SGCG: variants seen among roughly 807,000 people sequenced by gnomAD.
The protein encoded by SGCG is sarcoglycan gamma, also known as gamma-sarcoglycan.
A neutral mutation model predicts 29.3 loss-of-function variants in SGCG; 26 were observed. The ratio of observed to expected loss-of-function variants is 0.89; its 90% CI spans 0.65 to 1.23. SGCG has a LOEUF of 1.23. Among genes scored for constraint, SGCG ranks in the 50% most tolerant of loss-of-function variants. The pLI, the probability that SGCG is intolerant of heterozygous loss-of-function variation, is 0.00. For missense variants in SGCG, 353 were observed against 356.0 expected, an observed-to-expected ratio of 0.99 and a Z score of 0.07; for synonymous variants, 145 against 129.7, an observed-to-expected ratio of 1.12 and a Z score of -0.80.
At chr13:23,229,084 G>GGA (rs143230832) in intron 2 of SGCG, among the ~76,000 whole-genome samples, 5,222 of 152,182 alleles carry the variant, frequency 0.034, 190 homozygotes, top group East Asian at 0.19. Flanking sequence ...TGGCCAGGCT[G>GGA]GTCTTGAACT....
intron 6 of SGCG, among the ~76,000 whole-genome samples, chr13:23,312,856 G>A (rs75288961): frequency 6.6e-6 from 1 of 151,996 alleles, no homozygotes; most frequent in Non-Finnish European, 1.5e-5. Context: ...CATGTATTAG[G>A]TAATACTAGG....
At chr13:23,299,435 TATATA>T (rs1882045256) in intron 6 of SGCG, among the ~76,000 whole-genome samples, 6 of 20,196 alleles carry the variant, frequency 3.0e-4, no homozygotes, top group Admixed American at 1.1e-3. Flanking sequence ...TATATATATA[TATATA>T]TATATATATA....
chr13:23,324,280 C>T, intron 7 of SGCG, 88 bp from the exon 8 acceptor site: 1 of 1,283,350 alleles, frequency 7.8e-7, no homozygotes, highest in Non-Finnish European at 1.1e-6. Context: ...GGAGAAGAAA[C>T]TAATTGGAAA....
intron 3 of SGCG, among the ~76,000 whole-genome samples, chr13:23,247,668 G>A (rs528820486): frequency 1.2e-4 from 18 of 152,022 alleles, no homozygotes; most frequent in South Asian, 4.2e-4. Context: ...AAAATCGGTC[G>A]GGCATGGTGG....
intron 1 of SGCG, among the ~76,000 whole-genome samples, chr13:23,192,208 C>T (rs1480530648): frequency 6.6e-6 from 1 of 151,876 alleles, no homozygotes; most frequent in Non-Finnish European, 1.5e-5. Context: ...AAGTTTCAGC[C>T]TATGAATCAT....
chr13:23,281,675 C>T (rs1439201967), intron 5 of SGCG, among the ~76,000 whole-genome samples: 1 of 152,190 alleles, frequency 6.6e-6, no homozygotes, highest in East Asian at 1.9e-4. Flanking sequence ...AACTACTCCA[C>T]CTCAGATCAT....
chr13:23,218,455 T>A (rs1225907859), intron 2 of SGCG, among the ~76,000 whole-genome samples: 1 of 152,152 alleles, frequency 6.6e-6, no homozygotes, highest in Non-Finnish European at 1.5e-5. Context: ...TTCACTTTTC[T>A]GAAGATGTTA....
intron 6 of SGCG, among the ~76,000 whole-genome samples, chr13:23,301,891 CAA>C (rs869193118): frequency 1.7e-5 from 1 of 57,898 alleles, no homozygotes. Context: ...GACTCCATCT[CAA>C]AAAAAAAAAG....
At chr13:23,229,248 G>T (rs192152342) in intron 2 of SGCG, among the ~76,000 whole-genome samples, 3 of 152,224 alleles carry the variant, frequency 2.0e-5, no homozygotes, top group Non-Finnish European at 4.4e-5. Context: ...GAATAGTGCT[G>T]CAATGAACAC....
At chr13:23,203,479 T>A (rs1209461448) in intron 1 of SGCG, among the ~76,000 whole-genome samples, 3 of 152,210 alleles carry the variant, frequency 2.0e-5, no homozygotes, top group Admixed American at 6.5e-5. Flanking sequence ...TAAAATATTT[T>A]AAATGGCAGA....
chr13:23,199,759 T>C (rs1380061141), intron 1 of SGCG, among the ~76,000 whole-genome samples: 1 of 152,096 alleles, frequency 6.6e-6, no homozygotes, highest in Non-Finnish European at 1.5e-5. Flanking sequence ...AAACAAAGAT[T>C]GGTAAATACA....
At chr13:23,180,342 CACAAT>C (rs58316181), upstream of SGCG, among the ~76,000 whole-genome samples, 89,630 of 151,282 alleles carry the variant, frequency 0.59, 26,828 homozygotes, top group African/African-American at 0.67. Flanking sequence ...ATTTGTTAAA[CACAAT>C]AGAAATGTTA....
At chr13:23,304,773 T>A (rs7492006) in intron 6 of SGCG, among the ~76,000 whole-genome samples, 109,815 of 151,990 alleles carry the variant, frequency 0.72, 41,572 homozygotes, top group East Asian at 0.89. Flanking sequence ...ATGGCTAATT[T>A]TTGTATTTTG....
At chr13:23,293,184 C>T (rs993846506) in intron 5 of SGCG, among the ~76,000 whole-genome samples, 1 of 152,102 alleles carries the variant, frequency 6.6e-6, no homozygotes, top group Non-Finnish European at 1.5e-5. Context: ...GAAAATGTGA[C>T]TTGTTACAGC....
intron 5 of SGCG, among the ~76,000 whole-genome samples, chr13:23,286,421 T>C (rs1881498355): frequency 6.6e-6 from 1 of 152,222 alleles, no homozygotes; most frequent in African/African-American, 2.4e-5. Context: ...GATGACATGA[T>C]AGTCATTTCA....
chr13:23,227,121 G>A (rs1237546816), intron 2 of SGCG, among the ~76,000 whole-genome samples: 1 of 152,110 alleles, frequency 6.6e-6, no homozygotes, highest in Non-Finnish European at 1.5e-5. Flanking sequence ...GGCATCATGA[G>A]GCAGCTCAAA....
chr13:23,243,563 T>C (rs1431044782), intron 3 of SGCG: 1 of 152,186 alleles, frequency 6.6e-6, no homozygotes, highest in Non-Finnish European at 1.5e-5. Context: ...TTGGATTAGA[T>C]GACAGGAAGT....
chr13:23,300,366 A>G (rs984394985), intron 6 of SGCG, among the ~76,000 whole-genome samples: 4 of 152,220 alleles, frequency 2.6e-5, no homozygotes, highest in Non-Finnish European at 5.9e-5. Flanking sequence ...ACTCATAGAG[A>G]AATCAGGATA....
At chr13:23,241,877 T>G (rs1317020532) in intron 3 of SGCG, among the ~76,000 whole-genome samples, 1 of 152,110 alleles carries the variant, frequency 6.6e-6, no homozygotes, top group Non-Finnish European at 1.5e-5. Context: ...TTTGATAAAA[T>G]TCAGCATCTC....
Sources: allele counts gnomAD v4.1 joint callset (sites outside exome capture counted in the v4.1 genomes callset), GRCh38; gene constraint gnomAD v4.1.1; transcripts MANE v1.5; gene names NCBI Gene and HGNC (gene_info 2026-07-23, HGNC 2026-07-21).